ILKAP: variants seen among roughly 807,000 people sequenced by gnomAD.
ILKAP encodes the protein integrin-linked kinase-associated serine/threonine phosphatase 2C.
ILKAP carries 11 observed loss-of-function variants against 49.1 expected under a neutral mutation model. The ratio of observed to expected loss-of-function variants is 0.22; its 90% CI spans 0.14 to 0.37. ILKAP has a LOEUF of 0.37. Among genes scored for constraint, ILKAP ranks in the 10% least tolerant of loss-of-function variants. The pLI, the probability that ILKAP is intolerant of heterozygous loss-of-function variation, is 1.00. For synonymous variants in ILKAP, 186 were observed against 192.8 expected (o/e 0.96, Z 0.29); for missense variants, 363 against 510.8 (o/e 0.71, Z 2.79).
chr2:238,197,922 T>C (rs1694411984), intron 1 of ILKAP, among the ~76,000 whole-genome samples: 1 of 152,120 alleles, frequency 6.6e-6, no homozygotes, highest in Admixed American at 6.6e-5. Context: ...ACTGAGGCAC[T>C]GAGGTCAATT....
chr2:238,189,550 AG>A (rs766907132), intron 4 of ILKAP: 2 of 198,128 alleles, frequency 1.0e-5, no homozygotes, highest in East Asian at 1.4e-4. Flanking sequence ...GAGAGAGACT[AG>A]GTGGTCAAAA....
At chr2:238,194,940 C>G in intron 1 of ILKAP, 70 bp from the exon 2 acceptor site, 1 of 1,245,502 alleles carries the variant, frequency 8.0e-7, no homozygotes, top group Non-Finnish European at 1.2e-6. Context: ...AGAGGAAGAT[C>G]ATGTGGTCTC....
At position 238,188,220 on chromosome 2, in the gene ILKAP, A is replaced by G; in HGVS notation, c.336T>C (p.Ala112=). The G allele has an allele frequency of 6.2e-7, 1 of 1,614,048 alleles. No individual in the cohort carries two copies. The highest frequency in any genetic ancestry group is 1.1e-5 in the South Asian group (1 of 91,064). ...SVIFGLKGYV[A]ERKGEREEMQ... ...TCTCCTCCCTCTCACCCTTCCGCTC[A>G]GCCACATAGCCCTTCAGACCAAAGA... The change falls in exon 5 of 12, where the codon GCT becomes GCC. Residue 112 remains alanine, a synonymous_variant. Coordinates refer to ENST00000254654, the MANE Select transcript of ILKAP (RefSeq NM_030768.3).
At chr2:238,172,982 G>A (rs888706476) in intron 10 of ILKAP, among the ~76,000 whole-genome samples, 4 of 152,162 alleles carry the variant, frequency 2.6e-5, no homozygotes, top group Non-Finnish European at 5.9e-5. Flanking sequence ...CGTACCCTTA[G>A]GCATGGAGAA....
At chr2:238,181,920 C>T (rs1282586935) in intron 9 of ILKAP, 145 bp downstream of exon 9, 1 of 814,972 alleles carries the variant, frequency 1.2e-6, no homozygotes, top group Non-Finnish European at 2.0e-6. Context: ...TGTCATCCAC[C>T]TATGTCACCA....
Position 238,194,281 on chromosome 2 carries a change from C to T in ILKAP, c.172G>A (p.Asp58Asn), listed in dbSNP as rs573048716. The T allele has an allele frequency of 7.4e-6, 12 of 1,613,874 alleles. No homozygotes were observed. Among genetic ancestry groups the T allele is most frequent in the Middle Eastern group, 1.6e-4 (1 of 6,062 alleles). The change falls in exon 3 of 12, where the codon GAT becomes AAT. Residue 58 changes from aspartate to asparagine, a missense_variant. Around this residue, in one of 3 missense-constraint regions of ILKAP, gnomAD observed 114 missense variants for 116.0 expected, o/e 0.98. Coordinates refer to ENST00000254654, the MANE Select transcript of ILKAP (RefSeq NM_030768.3). Reference sequence around the variant, plus strand: ...GATTTTTCCTACCACTTACCTGAATCGCCACTGCTAGCGGGTGGGAGATCA... The same window carrying T: ...GATTTTTCCTACCACTTACCTGAATTGCCACTGCTAGCGGGTGGGAGATCA... ...FDDLPPASSGDSGSLATSISQ... is the reference protein window; with the variant it reads ...FDDLPPASSGNSGSLATSISQ...
chr2:238,199,944 G>A (rs1060757), intron 1 of ILKAP, among the ~76,000 whole-genome samples: 37,260 of 151,916 alleles, frequency 0.25, 5,678 homozygotes, highest in South Asian at 0.37. Context: ...TTTTAAGATG[G>A]TGTGGCCATC....
chr2:238,191,904 CAAA>C (rs533953653), intron 3 of ILKAP, among the ~76,000 whole-genome samples: 1 of 118,026 alleles, frequency 8.5e-6, no homozygotes. Flanking sequence ...GGCTCCATCT[CAAA>C]AAAAAAAAAA....
intron 1 of ILKAP, among the ~76,000 whole-genome samples, chr2:238,198,359 T>C (rs889932743): frequency 2.6e-5 from 4 of 152,008 alleles, no homozygotes; most frequent in Non-Finnish European, 5.9e-5. Context: ...CCTCGTCAGA[T>C]TCCCGAGTAG....
At chr2:238,189,044 C>A (rs963451941) in intron 4 of ILKAP, among the ~76,000 whole-genome samples, 1 of 151,772 alleles carries the variant, frequency 6.6e-6, no homozygotes, top group South Asian at 2.1e-4. Context: ...TCGGGCCAGG[C>A]ACGGTTGCTC....
chr2:238,200,461 CCCTTTGGA>C (rs768685297), intron 1 of ILKAP, among the ~76,000 whole-genome samples: 5 of 152,164 alleles, frequency 3.3e-5, no homozygotes, highest in Non-Finnish European at 7.3e-5. Flanking sequence ...GTAGTATTCT[CCCTTTGGA>C]CACTCAGTGC....
At chr2:238,201,184 T>TGG (rs1574813475) in intron 1 of ILKAP, among the ~76,000 whole-genome samples, 1 of 151,898 alleles carries the variant, frequency 6.6e-6, no homozygotes, top group East Asian at 1.9e-4. Flanking sequence ...AAAGTATGTT[T>TGG]TTTTTTTTTA....
At chr2:238,197,985 T>A (rs934534205) in intron 1 of ILKAP, among the ~76,000 whole-genome samples, 1 of 152,180 alleles carries the variant, frequency 6.6e-6, no homozygotes, top group African/African-American at 2.4e-5. Context: ...TTCAAAGCCA[T>A]GCAGTCCGTG....
At chr2:238,198,917 G>C (rs1052977893) in intron 1 of ILKAP, among the ~76,000 whole-genome samples, 1 of 152,066 alleles carries the variant, frequency 6.6e-6, no homozygotes, top group Non-Finnish European at 1.5e-5. Context: ...ATAAATCCAG[G>C]TGTTTTCCAA....
At chr2:238,178,269 A>T (rs1025723220) in intron 9 of ILKAP, among the ~76,000 whole-genome samples, 1 of 152,108 alleles carries the variant, frequency 6.6e-6, no homozygotes, top group Non-Finnish European at 1.5e-5. Flanking sequence ...GTATCCTAGA[A>T]CTCCTAGACT....
At chr2:238,191,108 C>T (rs576162054) in intron 3 of ILKAP, among the ~76,000 whole-genome samples, 8 of 151,942 alleles carry the variant, frequency 5.3e-5, no homozygotes, top group Non-Finnish European at 1.2e-4. Context: ...GCAGGAACCA[C>T]TACACCCGGC....
chr2:238,198,319 G>A (rs906401207), intron 1 of ILKAP, among the ~76,000 whole-genome samples: 8 of 151,868 alleles, frequency 5.3e-5, no homozygotes, highest in African/African-American at 1.9e-4. Flanking sequence ...GCTCACTGCA[G>A]CCCCAACCTT....
intron 1 of ILKAP, among the ~76,000 whole-genome samples, chr2:238,195,610 T>C (rs1217574947): frequency 1.3e-5 from 2 of 152,216 alleles, no homozygotes; most frequent in Non-Finnish European, 2.9e-5. Context: ...GAAATTCTGT[T>C]TAAGCTATTA....
chr2:238,185,099 A>T (rs1693849289), intron 6 of ILKAP, 82 bp downstream of exon 6: 1 of 854,034 alleles, frequency 1.2e-6, no homozygotes, highest in Non-Finnish European at 1.9e-6. Flanking sequence ...TAAAGCCAAA[A>T]TAACACATCT....
Sources: gnomAD v4.1 joint callset for allele counts (sites outside exome capture counted in the v4.1 genomes callset) on GRCh38, gnomAD v4.1.1 for gene constraint, gnomAD v4.1.1 regional missense constraint, MANE v1.5 for transcripts, NCBI Gene and HGNC (gene_info 2026-07-23, HGNC 2026-07-21) for gene names.